Variants in GATA4 observed in about 807,000 individuals in gnomAD.
The protein encoded by GATA4 is GATA binding protein 4.
Under a neutral mutation model 37.9 loss-of-function variants are expected in GATA4, and 7 were observed. The observed-to-expected ratio is 0.18, with a 90% CI of 0.11 to 0.35. The LOEUF (loss-of-function observed/expected upper bound fraction) is 0.35. Ranked by LOEUF, GATA4 falls within the 10% of genes least tolerant of loss-of-function variation. GATA4 has a pLI of 1.00. For missense variants in GATA4, 647 were observed against 653.0 expected, an observed-to-expected ratio of 0.99 and a Z score of 0.10; for synonymous variants, 372 against 292.6, an observed-to-expected ratio of 1.27 and a Z score of -2.77.
chr8:11,744,045 G>T (rs373992864), intron 2 of GATA4, among the ~76,000 whole-genome samples: 2 of 152,172 alleles, frequency 1.3e-5, no homozygotes, highest in Non-Finnish European at 2.9e-5. Flanking sequence ...AAGTGAACGC[G>T]GTCAGCCTTG....
chr8:11,748,214 G>A (rs750874449), intron 2 of GATA4, among the ~76,000 whole-genome samples: 12 of 152,206 alleles, frequency 7.9e-5, no homozygotes, highest in Middle Eastern at 3.4e-3. Flanking sequence ...GTGAAACTCC[G>A]TCTCAAAAAG....
At chr8:11,683,350 T>G (rs1406630371) in intron 1 of GATA4, among the ~76,000 whole-genome samples, 1 of 152,232 alleles carries the variant, frequency 6.6e-6, no homozygotes, top group Non-Finnish European at 1.5e-5. Flanking sequence ...CTGCGTATTA[T>G]GCTTGCTGAT....
At chr8:11,758,222 T>C in intron 6 of GATA4, 71 bp from the exon 7 acceptor site, 1 of 1,528,038 alleles carries the variant, frequency 6.5e-7, no homozygotes, top group Non-Finnish European at 9.1e-7. Context: ...CAGGGCACCC[T>C]CCCCAGCCTA....
intron 2 of GATA4, among the ~76,000 whole-genome samples, chr8:11,727,027 C>G (rs1800958983): frequency 6.6e-6 from 1 of 151,948 alleles, no homozygotes; most frequent in African/African-American, 2.4e-5. Context: ...TGGAGAGCCC[C>G]TTGAGGCACC....
At chr8:11,693,480 G>C (rs1179948331) in intron 1 of GATA4, among the ~76,000 whole-genome samples, 7 of 83,434 alleles carry the variant, frequency 8.4e-5, no homozygotes, top group East Asian at 2.5e-3. Context: ...GGAGAAAGAA[G>C]AGAGAGAGAG....
intron 2 of GATA4, among the ~76,000 whole-genome samples, chr8:11,722,471 C>A (rs531385917): frequency 6.6e-6 from 1 of 152,242 alleles, no homozygotes; most frequent in African/African-American, 2.4e-5. Context: ...CCCAGTTTGT[C>A]TAATTGTCTT....
rs370781518 is a variant in GATA4 at position 11,758,482 on chromosome 8, C to G, written c.*7C>G. 5 of 1,613,920 alleles carry G rather than the reference C, an allele frequency of 3.1e-6. No individual in the cohort carries two copies. In the African/African-American group the frequency reaches 5.3e-5, roughly 17 times the overall value. On this transcript the variant is annotated 3_prime_UTR_variant, in exon 7 of 7. Transcript: ENST00000532059. ...GGACATAATCACTGCGTAATCTTCC[C>G]TCTTCCCTCCTCAAATTCCTGCACG...
Position 11,759,996 on chromosome 8 carries a change from C to G in GATA4, c.*1521C>G, listed in dbSNP as rs3203358. 0.25 allele frequency: 37,431 copies of G among 152,664 alleles called. 6,033 individuals carry two copies. Among genetic ancestry groups the G allele is most frequent in the Non-Finnish European group, 0.34 (23,294 of 68,006 alleles). 9.5% of individuals were successfully genotyped at this position (152,664 alleles called of 1,614,324 possible). A position where few individuals can be genotyped will look rare whatever the true frequency, so the allele number is the denominator to read the frequency against. ...TTAACTAATAAATTTATCTGTATTCCTCTTTCCCTCGTCCCTTAGTGGTCT... is the reference window on the plus strand; with the variant it reads ...TTAACTAATAAATTTATCTGTATTCGTCTTTCCCTCGTCCCTTAGTGGTCT... On this transcript the variant is annotated 3_prime_UTR_variant, in exon 7 of 7. Transcript: ENST00000532059.
intron 2 of GATA4, among the ~76,000 whole-genome samples, chr8:11,734,068 CTATT>C (rs891490847): frequency 6.6e-6 from 1 of 152,188 alleles, no homozygotes; most frequent in Non-Finnish European, 1.5e-5. Flanking sequence ...AAACAAATAA[CTATT>C]TGTTTGTTAC....
chr8:11,692,598 C>T, upstream of GATA4: 1 of 985,328 alleles, frequency 1.0e-6, no homozygotes, highest in Non-Finnish European at 1.2e-6. Flanking sequence ...GGCCCCCGCG[C>T]TGGGGCGGGA....
At chr8:11,706,616 A>G (rs1443974307) in intron 1 of GATA4, among the ~76,000 whole-genome samples, 1 of 152,268 alleles carries the variant, frequency 6.6e-6, no homozygotes, top group Admixed American at 6.5e-5. Context: ...CAGAGCCTGG[A>G]TTCATATATA....
At chr8:11,738,110 G>A (rs1215711885) in intron 2 of GATA4, among the ~76,000 whole-genome samples, 2 of 151,666 alleles carry the variant, frequency 1.3e-5, no homozygotes. Context: ...GAGCCTGGGA[G>A]GTGGAGGTTG....
chr8:11,693,554 C>CAGAGAGAGAG (rs1447123508), intron 1 of GATA4, among the ~76,000 whole-genome samples: 20 of 113,302 alleles, frequency 1.8e-4, no homozygotes, highest in African/African-American at 6.3e-4. Context: ...CACACACACA[C>CAGAGAGAGAG]ACACACACAG....
At chr8:11,757,475 G>A (rs2130350757) in intron 6 of GATA4, among the ~76,000 whole-genome samples, 1 of 152,366 alleles carries the variant, frequency 6.6e-6, no homozygotes, top group Non-Finnish European at 1.5e-5. Context: ...GCTGGGGCGA[G>A]GGGAGGCGTG....
At chr8:11,686,295 AC>A (rs1799133889) in intron 1 of GATA4, among the ~76,000 whole-genome samples, 1 of 151,924 alleles carries the variant, frequency 6.6e-6, no homozygotes, top group Non-Finnish European at 1.5e-5. Flanking sequence ...GACCAATTTC[AC>A]TTTTATTAAT....
intron 1 of GATA4, among the ~76,000 whole-genome samples, chr8:11,684,639 C>G (rs1435961981): frequency 6.6e-6 from 1 of 152,208 alleles, no homozygotes; most frequent in African/African-American, 2.4e-5. Context: ...TTACTTAACG[C>G]TTCTGTGTTT....
chr8:11,714,737 C>T (rs149401108), intron 2 of GATA4, among the ~76,000 whole-genome samples: 1 of 152,128 alleles, frequency 6.6e-6, no homozygotes, highest in Non-Finnish European at 1.5e-5. Flanking sequence ...GAATGATGCC[C>T]GGGAGACAGT....
chr8:11,713,736 G>T (rs1800304827), intron 2 of GATA4, among the ~76,000 whole-genome samples: 1 of 152,238 alleles, frequency 6.6e-6, no homozygotes, highest in South Asian at 2.1e-4. Context: ...GACAATTGTG[G>T]TTGTGTGGAA....
intron 2 of GATA4, among the ~76,000 whole-genome samples, chr8:11,734,112 A>G (rs772167994): frequency 2.5e-4 from 38 of 152,226 alleles, no homozygotes; most frequent in Non-Finnish European, 4.6e-4. Flanking sequence ...CACCAAACCA[A>G]GCATAAGTGT....
Sources: allele counts gnomAD v4.1 joint callset (sites outside exome capture counted in the v4.1 genomes callset), GRCh38; gene constraint gnomAD v4.1.1; transcripts MANE v1.5; gene names NCBI Gene and HGNC (gene_info 2026-07-23, HGNC 2026-07-21).